CPQ: variants seen among roughly 807,000 people sequenced by gnomAD.
The protein encoded by CPQ is Ser-Met dipeptidase.
Under a neutral mutation model 45.7 loss-of-function variants are expected in CPQ, and 37 were observed. The observed-to-expected ratio is 0.81, with a 90% CI of 0.62 to 1.07. The LOEUF (loss-of-function observed/expected upper bound fraction) is 1.07. Among genes scored for constraint, CPQ ranks in the 50% least tolerant of loss-of-function variants. CPQ has a pLI of 0.00. For synonymous variants in CPQ, 186 were observed against 205.8 expected (o/e 0.90, Z 0.82); for missense variants, 537 against 572.9 (o/e 0.94, Z 0.64).
At chr8:96,847,242 A>T (rs1283379436) in intron 3 of CPQ, among the ~76,000 whole-genome samples, 2 of 152,226 alleles carry the variant, frequency 1.3e-5, no homozygotes, top group African/African-American at 4.8e-5. Context: ...TCTTTAACAA[A>T]ATTTCACCCA....
intron 1 of CPQ, among the ~76,000 whole-genome samples, chr8:96,701,832 C>T (rs1809466358): frequency 6.6e-6 from 1 of 152,172 alleles, no homozygotes; most frequent in Non-Finnish European, 1.5e-5. Flanking sequence ...CAACCCTGTC[C>T]CCATCCCTAA....
chr8:96,909,488 T>C (rs1812626576), intron 4 of CPQ, among the ~76,000 whole-genome samples: 1 of 152,190 alleles, frequency 6.6e-6, no homozygotes, highest in East Asian at 1.9e-4. Flanking sequence ...CTCTTCAGTA[T>C]ACTTACCATG....
At chr8:96,731,116 T>G (rs564853778) in intron 1 of CPQ, among the ~76,000 whole-genome samples, 48 of 151,970 alleles carry the variant, frequency 3.2e-4, no homozygotes, top group Non-Finnish European at 6.3e-4. Context: ...AGTAGGACTA[T>G]TTGAAAAATA....
intron 1 of CPQ, among the ~76,000 whole-genome samples, chr8:96,777,111 G>T (rs1198985624): frequency 2.6e-5 from 4 of 152,106 alleles, no homozygotes; most frequent in Admixed American, 2.6e-4. Flanking sequence ...TTAAATGGAA[G>T]AAAATCTTGA....
chr8:96,862,345 G>A (rs949916312), intron 3 of CPQ, among the ~76,000 whole-genome samples: 27 of 151,542 alleles, frequency 1.8e-4, no homozygotes, highest in African/African-American at 6.5e-4. Context: ...AAAGGAGAGA[G>A]AGAGGAGAGA....
chr8:97,097,438 C>G (rs1042616666), intron 7 of CPQ, among the ~76,000 whole-genome samples: 2 of 152,088 alleles, frequency 1.3e-5, no homozygotes, highest in African/African-American at 4.8e-5. Flanking sequence ...CTATATGTGA[C>G]TCAATATATA....
At chr8:96,935,979 C>G (rs1813043521) in intron 4 of CPQ, among the ~76,000 whole-genome samples, 1 of 151,810 alleles carries the variant, frequency 6.6e-6, no homozygotes, top group Non-Finnish European at 1.5e-5. Flanking sequence ...GCTTATCTTT[C>G]TCATGAACAT....
chr8:97,038,365 A>G (rs1810038184), intron 6 of CPQ, among the ~76,000 whole-genome samples: 1 of 151,680 alleles, frequency 6.6e-6, no homozygotes, highest in South Asian at 2.1e-4. Context: ...TCTGGCACAA[A>G]TAGTTTCTGC....
At chr8:96,694,402 A>T (rs1809343929) in intron 1 of CPQ, among the ~76,000 whole-genome samples, 1 of 152,192 alleles carries the variant, frequency 6.6e-6, no homozygotes, top group Admixed American at 6.5e-5. Context: ...ATCAGACTTA[A>T]TCTGCACAGT....
At chr8:96,833,218 G>T (rs1036675921) in intron 2 of CPQ, among the ~76,000 whole-genome samples, 1 of 152,142 alleles carries the variant, frequency 6.6e-6, no homozygotes, top group African/African-American at 2.4e-5. Context: ...ACCTGTAGCT[G>T]CTACTAGTGA....
intron 4 of CPQ, among the ~76,000 whole-genome samples, chr8:96,957,749 A>G (rs1269853867): frequency 1.3e-5 from 2 of 152,040 alleles, no homozygotes; most frequent in African/African-American, 4.8e-5. Context: ...CTGTGAGCCA[A>G]GATCACACCT....
In CPQ at chr8:96,884,634, G is replaced by T. The variant is rs542857033; in HGVS notation, c.849+4629G>T. Among the ~76,000 whole-genome samples the T allele has an allele frequency of 8.5e-5, 13 of 152,132 alleles. No homozygotes were observed. The South Asian group carries it at 2.7e-3, about 32-fold the overall frequency. ...GAACAGAAAATGAGAATGAAGAAAG[G>T]GGAAAAGGAAATGTATGATGGTGAA... is the stretch of plus-strand genomic sequence containing the variant. On this transcript the variant is annotated intron_variant, in intron 4 of 7. Transcript: ENST00000220763.
rs117046608 is a variant in CPQ at position 96,935,860 on chromosome 8, T to C, written c.850-30075T>C. On this transcript the variant is annotated intron_variant, in intron 4 of 7. Coordinates refer to ENST00000220763, the MANE Select transcript of CPQ (RefSeq NM_016134.4). ...GAACTCAGCCTGAGATGAAAAGGTT[T>C]CCATTAGTGAACCACATGTAGACAA... Among the ~76,000 whole-genome samples, 334 of 152,312 alleles carry C rather than the reference T, an allele frequency of 2.2e-3. 6 individuals carry two copies. The East Asian group carries it at 0.045, about 21-fold the overall frequency.
chr8:96,740,213 T>C, intron 1 of CPQ, among the ~76,000 whole-genome samples: 1 of 152,182 alleles, frequency 6.6e-6, no homozygotes. Context: ...TATTTTATTC[T>C]TTTTAAAGCA....
chr8:97,124,400 G>A (rs1014283597), intron 7 of CPQ, among the ~76,000 whole-genome samples: 3 of 152,078 alleles, frequency 2.0e-5, no homozygotes, highest in African/African-American at 7.2e-5. Flanking sequence ...GGATATGGAA[G>A]ATTCAAACAA....
chr8:97,032,594 G>A (rs183779092), intron 6 of CPQ, among the ~76,000 whole-genome samples: 5 of 152,236 alleles, frequency 3.3e-5, no homozygotes, highest in African/African-American at 4.8e-5. Context: ...CTTTCACTTC[G>A]TTCTGGCTTT....
chr8:96,736,277 T>C (rs1809981361), intron 1 of CPQ, among the ~76,000 whole-genome samples: 1 of 152,230 alleles, frequency 6.6e-6, no homozygotes, highest in African/African-American at 2.4e-5. Context: ...TATGGTCAGA[T>C]GCTCAGTCTC....
At chr8:97,097,575 G>A (rs1281414040) in intron 7 of CPQ, among the ~76,000 whole-genome samples, 3 of 152,138 alleles carry the variant, frequency 2.0e-5, no homozygotes, top group Non-Finnish European at 1.5e-5. Context: ...AGTAATGCTG[G>A]CAGCTACAAC....
At chr8:97,034,333 C>A (rs77981891) in intron 6 of CPQ, among the ~76,000 whole-genome samples, 1 of 152,102 alleles carries the variant, frequency 6.6e-6, no homozygotes, top group Non-Finnish European at 1.5e-5. Context: ...CAGTTCATAG[C>A]GGAAAGTCCC....
Sources: gnomAD v4.1 joint callset for allele counts (sites outside exome capture counted in the v4.1 genomes callset) on GRCh38, gnomAD v4.1.1 for gene constraint, MANE v1.5 for transcripts, NCBI Gene and HGNC (gene_info 2026-07-23, HGNC 2026-07-21) for gene names.